The following CACNA2D1 variants were observed in gnomAD, a reference collection of about 807,000 sequenced individuals.
CACNA2D1 encodes the protein calcium voltage-gated channel auxiliary subunit alpha2delta 1, also known as voltage-dependent calcium channel subunit alpha-2/delta-1.
In CACNA2D1, 53 loss-of-function variants were observed where a neutral mutation model predicts 171.5. That is an observed-to-expected ratio of 0.31 (90% CI 0.25 to 0.39). CACNA2D1 has a LOEUF of 0.39. Among genes scored for constraint, CACNA2D1 ranks in the 10% least tolerant of loss-of-function variants. The probability of loss-of-function intolerance (pLI) is 1.00; values close to 1 mark genes in which losing one functional copy is unlikely to be tolerated. For synonymous variants in CACNA2D1, 442 were observed against 443.1 expected (o/e 1.00, Z 0.03); for missense variants, 903 against 1,299.8 (o/e 0.69, Z 4.69).
At chr7:81,978,060 T>C (rs769494726) in intron 24 of CACNA2D1, among the ~76,000 whole-genome samples, 32 of 152,272 alleles carry the variant, frequency 2.1e-4, no homozygotes, top group Non-Finnish European at 3.8e-4. Flanking sequence ...CCAGTTAGAA[T>C]GGCGATCATT....
intron 9 of CACNA2D1, among the ~76,000 whole-genome samples, chr7:82,063,786 T>C (rs1360745562): frequency 6.6e-6 from 1 of 152,124 alleles, no homozygotes; most frequent in Non-Finnish European, 1.5e-5. Context: ...ATTGAAGCAC[T>C]ATAACAAAGA....
chr7:82,428,105 A>T (rs547837876), intron 1 of CACNA2D1, among the ~76,000 whole-genome samples: 1,960 of 149,006 alleles, frequency 0.013, 42 homozygotes, highest in African/African-American at 0.047. Flanking sequence ...ATAAAAAATA[A>T]ATAAAAAAAA....
chr7:82,152,827 G>A (rs545382019), intron 4 of CACNA2D1, among the ~76,000 whole-genome samples: 26 of 151,768 alleles, frequency 1.7e-4, no homozygotes, highest in Non-Finnish European at 3.4e-4. Flanking sequence ...TATATGTTTC[G>A]ATGGTTACTT....
chr7:82,083,118 C>T (rs984432901), intron 7 of CACNA2D1, among the ~76,000 whole-genome samples: 2 of 151,840 alleles, frequency 1.3e-5, no homozygotes, highest in Non-Finnish European at 2.9e-5. Flanking sequence ...GGGCTCTTGA[C>T]TGCTCATTAT....
intron 3 of CACNA2D1, among the ~76,000 whole-genome samples, chr7:82,287,910 A>C: frequency 6.6e-6 from 1 of 151,484 alleles, no homozygotes; most frequent in Non-Finnish European, 1.5e-5. Context: ...TGCGATCTGC[A>C]AGCTCCGCCT....
chr7:81,976,841 CGAGA>C (rs1795904530), intron 24 of CACNA2D1, among the ~76,000 whole-genome samples: 2 of 152,052 alleles, frequency 1.3e-5, no homozygotes, highest in East Asian at 3.9e-4. Context: ...GAAACAAAAG[CGAGA>C]CTGTATCTCA....
chr7:82,056,023 A>AT lies in CACNA2D1; in HGVS notation c.879+4404_879+4405insA, dbSNP rs1339464086. On this transcript the variant is annotated intron_variant, in intron 10 of 38. Transcript: ENST00000356860. ...TACTCAAAAGTTAAAAAAAAAAAAA[A>AT]AAAAAAAAGGCCAAGTATCAACACG... is the stretch of plus-strand genomic sequence containing the variant. Among the ~76,000 whole-genome samples, 197 of 145,460 alleles carry AT rather than the reference A, an allele frequency of 1.4e-3. 1 individual carries two copies. Among genetic ancestry groups the AT allele is most frequent in the Non-Finnish European group, 2.4e-3 (157 of 65,844 alleles).
intron 34 of CACNA2D1, 55 bp from the exon 35 acceptor site, chr7:81,962,550 C>T: frequency 2.8e-6 from 3 of 1,053,318 alleles, no homozygotes; most frequent in Non-Finnish European, 4.3e-6. Context: ...TGTGTTTTTA[C>T]ATGTACCCAT....
At chr7:82,065,561 G>C (rs1473118066) in intron 8 of CACNA2D1, among the ~76,000 whole-genome samples, 1 of 152,168 alleles carries the variant, frequency 6.6e-6, no homozygotes, top group Non-Finnish European at 1.5e-5. Flanking sequence ...GGTTGGTGTA[G>C]ACATAAATTG....
intron 3 of CACNA2D1, among the ~76,000 whole-genome samples, chr7:82,197,902 T>A (rs866051026): frequency 1.4e-4 from 21 of 150,734 alleles, no homozygotes; most frequent in Admixed American, 5.5e-4. Context: ...ATATATGACA[T>A]TATGCACACA....
chr7:82,166,822 C>T (rs1183564907), intron 4 of CACNA2D1, among the ~76,000 whole-genome samples: 1 of 151,970 alleles, frequency 6.6e-6, no homozygotes, highest in Non-Finnish European at 1.5e-5. Flanking sequence ...TTAGGGTGTA[C>T]GCCCTTTGTT....
rs144936542 is a variant in CACNA2D1, at chr7:82,398,837, C to G, written c.95+44528G>C. On this transcript the variant is annotated intron_variant, in intron 1 of 38. Transcript: ENST00000356860. ...CAAGAGATTCTCCTGCCTCACCCTC[C>G]TAAAGTGCTAGGATTACAGGCATGA... Among the ~76,000 whole-genome samples, 933 of 152,086 alleles carry G rather than the reference C, an allele frequency of 6.1e-3. 13 individuals carry two copies. The highest frequency in any genetic ancestry group is 0.021 in the African/African-American group (872 of 41,486).
chr7:82,206,247 A>G (rs1310260426), intron 3 of CACNA2D1, among the ~76,000 whole-genome samples: 1 of 151,314 alleles, frequency 6.6e-6, no homozygotes, highest in East Asian at 1.9e-4. Context: ...TGGTAGATAA[A>G]TATATATATA....
intron 12 of CACNA2D1, 26 bp downstream of exon 12, chr7:82,032,771 T>C: frequency 7.8e-7 from 1 of 1,273,970 alleles, no homozygotes; most frequent in South Asian, 1.3e-5. Flanking sequence ...ATTATTAAAA[T>C]TTAAATATTA....
At chr7:82,364,973 T>A (rs982846027) in intron 1 of CACNA2D1, among the ~76,000 whole-genome samples, 1 of 152,108 alleles carries the variant, frequency 6.6e-6, no homozygotes. Context: ...CATTCCTGAT[T>A]GACCAATTCT....
chr7:82,134,233 T>C (rs1464848266), intron 5 of CACNA2D1, among the ~76,000 whole-genome samples: 1 of 152,222 alleles, frequency 6.6e-6, no homozygotes, highest in Non-Finnish European at 1.5e-5. Context: ...GGTCATATTC[T>C]TTATCCATTT....
intron 6 of CACNA2D1, among the ~76,000 whole-genome samples, chr7:82,089,297 C>A (rs7800392): frequency 1.2e-4 from 18 of 152,038 alleles, no homozygotes; most frequent in African/African-American, 4.1e-4. Context: ...AACCTACTAC[C>A]AGTTGCTGAC....
chr7:82,398,317 C>A (rs1308014818), intron 1 of CACNA2D1, among the ~76,000 whole-genome samples: 2 of 152,120 alleles, frequency 1.3e-5, no homozygotes, highest in East Asian at 3.9e-4. Context: ...CAGTCTTTGC[C>A]ACAGTGAAGA....
chr7:82,088,255 T>G (rs1810720490), intron 6 of CACNA2D1, among the ~76,000 whole-genome samples: 1 of 152,192 alleles, frequency 6.6e-6, no homozygotes, highest in Admixed American at 6.5e-5. Flanking sequence ...TTTTAGTCTC[T>G]CCTGTTTTCC....
Sources: allele counts gnomAD v4.1 joint callset (sites outside exome capture counted in the v4.1 genomes callset), GRCh38; gene constraint gnomAD v4.1.1; transcripts MANE v1.5; gene names NCBI Gene and HGNC (gene_info 2026-07-23, HGNC 2026-07-21).